The following ARL15 variants were observed in gnomAD, a reference collection of about 807,000 sequenced individuals.
The protein encoded by ARL15 is ADP-ribosylation factor-like protein 15.
ARL15 carries 19 observed loss-of-function variants against 25.2 expected under a neutral mutation model. The observed-to-expected ratio is 0.75, with a 90% CI of 0.53 to 1.10. The LOEUF is 1.10. Among genes scored for constraint, ARL15 ranks in the 50% least tolerant of loss-of-function variants. ARL15 has a pLI of 0.00. For synonymous variants in ARL15, 94 were observed against 86.8 expected (o/e 1.08, Z -0.46); for missense variants, 220 against 246.0 (o/e 0.89, Z 0.71).
chr5:54,103,428 A>C (rs888575058), intron 4 of ARL15, among the ~76,000 whole-genome samples: 1 of 152,142 alleles, frequency 6.6e-6, no homozygotes, highest in Non-Finnish European at 1.5e-5. Context: ...TTTTCATGGT[A>C]TCAATCCTCG....
chr5:54,293,262 T>C, intron 1 of ARL15, among the ~76,000 whole-genome samples: 1 of 152,200 alleles, frequency 6.6e-6, no homozygotes, highest in South Asian at 2.1e-4. Context: ...AAATAAACTA[T>C]TTGATAAGCC....
At chr5:54,254,694 T>C (rs1579955082) in intron 1 of ARL15, among the ~76,000 whole-genome samples, 1 of 152,208 alleles carries the variant, frequency 6.6e-6, no homozygotes, top group South Asian at 2.1e-4. Context: ...GATGGAGACA[T>C]AAGCACTGTT....
chr5:54,113,012 A>C, intron 4 of ARL15, 190 bp downstream of exon 4: 2 of 569,052 alleles, frequency 3.5e-6, no homozygotes, highest in Non-Finnish European at 6.1e-6. Flanking sequence ...GTGCTCTCCA[A>C]GTAGGGTTAG....
intron 2 of ARL15, among the ~76,000 whole-genome samples, chr5:54,169,037 T>A (rs1754650637): frequency 6.6e-6 from 1 of 152,156 alleles, no homozygotes; most frequent in African/African-American, 2.4e-5. Context: ...AGAAGCTTGA[T>A]ATCCAAAAAA....
intron 1 of ARL15, among the ~76,000 whole-genome samples, chr5:54,291,068 G>C (rs1054819110): frequency 2.0e-5 from 3 of 152,236 alleles, no homozygotes; most frequent in African/African-American, 7.2e-5. Flanking sequence ...CCACTTAAAG[G>C]TTCAAAAAAA....
chr5:53,905,418 T>G (rs55974751), intron 4 of ARL15, among the ~76,000 whole-genome samples: 23,341 of 152,204 alleles, frequency 0.15, 2,050 homozygotes, highest in Non-Finnish European at 0.2. Flanking sequence ...AATATAATAT[T>G]AGTTAAAATA....
Position 54,308,621 on chromosome 5 carries a change from A to C in ARL15, c.48+1811T>G, listed in dbSNP as rs185434612. Among the ~76,000 whole-genome samples, 6 of 152,336 alleles carry C rather than the reference A, an allele frequency of 3.9e-5. 1 individual carries two copies. Among genetic ancestry groups the C allele is most frequent in the African/African-American group, 1.4e-4 (6 of 41,564 alleles). Reference sequence around the variant, plus strand: ...CACAAAGCTGTTAGTAAATTGGCAAATAAATTAATCTGCTTTTAAGGTAAC... The same window carrying C: ...CACAAAGCTGTTAGTAAATTGGCAACTAAATTAATCTGCTTTTAAGGTAAC... On this transcript the variant is annotated intron_variant, in intron 1 of 4. Transcript: ENST00000504924.
chr5:54,044,974 C>T (rs1165606040), intron 4 of ARL15, among the ~76,000 whole-genome samples: 1 of 152,184 alleles, frequency 6.6e-6, no homozygotes, highest in Non-Finnish European at 1.5e-5. Flanking sequence ...TCACACTACA[C>T]ATTTTAGAAG....
intron 4 of ARL15, among the ~76,000 whole-genome samples, chr5:53,933,468 AC>A (rs1746257723): frequency 1.3e-5 from 2 of 151,706 alleles, no homozygotes; most frequent in Non-Finnish European, 2.9e-5. Flanking sequence ...ACACGGTGAA[AC>A]CCCATCTCTA....
intron 1 of ARL15, among the ~76,000 whole-genome samples, chr5:54,205,922 A>C (rs3797251): frequency 0.098 from 14,980 of 152,100 alleles, 1,202 homozygotes; most frequent in African/African-American, 0.22. Context: ...TTTAATACTT[A>C]AAAAGTATCT....
chr5:54,221,496 C>A (rs887308396), intron 1 of ARL15, among the ~76,000 whole-genome samples: 11 of 152,098 alleles, frequency 7.2e-5, no homozygotes, highest in Admixed American at 5.9e-4. Context: ...TTTTTCCTTT[C>A]TTTCCTTTAT....
intron 4 of ARL15, among the ~76,000 whole-genome samples, chr5:54,041,802 T>C (rs957357092): frequency 3.3e-5 from 5 of 152,128 alleles, no homozygotes; most frequent in African/African-American, 1.2e-4. Context: ...CCCCAGGAAC[T>C]CTGAATCAGG....
At chr5:54,257,910 A>G (rs26887) in intron 1 of ARL15, among the ~76,000 whole-genome samples, 8,353 of 152,170 alleles carry the variant, frequency 0.055, 316 homozygotes, top group African/African-American at 0.1. Context: ...CTGCCATAAC[A>G]AAAACACCTT....
intron 4 of ARL15, among the ~76,000 whole-genome samples, chr5:54,065,175 T>C (rs1175075893): frequency 6.6e-6 from 1 of 152,226 alleles, no homozygotes; most frequent in Non-Finnish European, 1.5e-5. Context: ...AGTTTTCTGC[T>C]ATTAAAAAAG....
chr5:54,168,128 T>C (rs1288128648), intron 2 of ARL15, among the ~76,000 whole-genome samples: 2 of 152,224 alleles, frequency 1.3e-5, no homozygotes, highest in African/African-American at 4.8e-5. Context: ...CCTCAGTCCT[T>C]AAATCAGTGG....
At chr5:53,888,486 G>A (rs116961818) in intron 4 of ARL15, among the ~76,000 whole-genome samples, 1 of 152,050 alleles carries the variant, frequency 6.6e-6, no homozygotes, top group African/African-American at 2.4e-5. Flanking sequence ...GTCTAACCAT[G>A]TTGCCTAGGG....
chr5:54,175,931 C>T (rs765116233), intron 1 of ARL15, among the ~76,000 whole-genome samples: 3 of 152,138 alleles, frequency 2.0e-5, no homozygotes, highest in Admixed American at 6.5e-5. Context: ...AGATTACACA[C>T]GTGAGCCACT....
chr5:54,072,926 C>G (rs1189686871), intron 4 of ARL15, among the ~76,000 whole-genome samples: 1 of 152,138 alleles, frequency 6.6e-6, no homozygotes, highest in Non-Finnish European at 1.5e-5. Context: ...CCTAGATTTT[C>G]CCCCTTGAAA....
intron 4 of ARL15, among the ~76,000 whole-genome samples, chr5:53,891,721 C>A: frequency 6.6e-6 from 1 of 152,184 alleles, no homozygotes; most frequent in Non-Finnish European, 1.5e-5. Context: ...TATAACTGAC[C>A]CTTCTTAAGC....
Sources: gnomAD v4.1 joint callset for allele counts (sites outside exome capture counted in the v4.1 genomes callset) on GRCh38, gnomAD v4.1.1 for gene constraint, MANE v1.5 for transcripts, NCBI Gene and HGNC (gene_info 2026-07-23, HGNC 2026-07-21) for gene names.